Variants in SMYD3 observed in about 807,000 individuals in gnomAD.
SMYD3 encodes SET and MYND domain containing 3.
A neutral mutation model predicts 57.7 loss-of-function variants in SMYD3; 36 were observed. That is an observed-to-expected ratio of 0.62 (90% CI 0.48 to 0.82). SMYD3 has a LOEUF of 0.82. Ranked by LOEUF, SMYD3 falls within the 40% of genes least tolerant of loss-of-function variation. The pLI is 0.00. For synonymous variants in SMYD3, 211 were observed against 195.0 expected (o/e 1.08, Z -0.68); for missense variants, 515 against 538.8 (o/e 0.96, Z 0.44).
chr1:245,935,269 G>T (rs1218406982), intron 5 of SMYD3, among the ~76,000 whole-genome samples: 1 of 152,162 alleles, frequency 6.6e-6, no homozygotes, highest in Non-Finnish European at 1.5e-5. Flanking sequence ...TTTCTCAAAA[G>T]AAGACATATA....
intron 5 of SMYD3, among the ~76,000 whole-genome samples, chr1:246,235,465 C>A (rs534051012): frequency 6.6e-6 from 1 of 152,210 alleles, no homozygotes; most frequent in African/African-American, 2.4e-5. Flanking sequence ...GTTAGGAATA[C>A]CTAACTATAA....
chr1:246,314,497 A>G (rs1323298566), intron 5 of SMYD3, among the ~76,000 whole-genome samples: 1 of 152,234 alleles, frequency 6.6e-6, no homozygotes, highest in Non-Finnish European at 1.5e-5. Flanking sequence ...GAAAGTACAC[A>G]TTAAAGTACT....
intron 10 of SMYD3, among the ~76,000 whole-genome samples, chr1:245,785,263 G>A (rs542341304): frequency 1.3e-5 from 2 of 151,750 alleles, no homozygotes; most frequent in South Asian, 2.1e-4. Context: ...GACATCTTTT[G>A]AAAATACCAA....
At chr1:246,378,726 T>TATATAATTATATATAATATA (rs2066323863) in intron 1 of SMYD3, among the ~76,000 whole-genome samples, 2 of 89,862 alleles carry the variant, frequency 2.2e-5, no homozygotes, top group Non-Finnish European at 4.1e-5. Flanking sequence ...TATAATATAT[T>TATATAATTATATATAATATA]ATATATTATA....
chr1:246,405,644 C>CA, intron 1 of SMYD3, among the ~76,000 whole-genome samples: 1 of 152,190 alleles, frequency 6.6e-6, no homozygotes, highest in East Asian at 1.9e-4. Flanking sequence ...TGCAGTGGTT[C>CA]ACGTCTGTAA....
chr1:245,807,905 A>T (rs1055249274), intron 10 of SMYD3, among the ~76,000 whole-genome samples: 7 of 152,202 alleles, frequency 4.6e-5, no homozygotes, highest in African/African-American at 1.7e-4. Context: ...GCTGAATAGC[A>T]TGAGATATGG....
rs1418703402 is a variant in SMYD3 at position 245,858,569 on chromosome 1, T to C, written c.1003A>G (p.Met335Val). ...AGGCCGAGGTTGATGCAGGCATCCA[T>C]GGCGCAGTCGAGCACCTTCAGCTGG... ...IYQLKVLDCA[M>V]DACINLGLLE... Residue 335 changes from methionine (M) to valine (V), a missense_variant, in exon 10 of 12, where the codon ATG (methionine) becomes GTG (valine). Physicochemically the swap from Met to Val is conservative, Grantham distance 21 (BLOSUM62 1). Transcript: ENST00000490107. 5 of 1,614,216 alleles carry C rather than the reference T, an allele frequency of 3.1e-6. No individual in the cohort carries two copies. The highest frequency in any genetic ancestry group is 2.2e-5 in the East Asian group (1 of 44,880).
intron 1 of SMYD3, among the ~76,000 whole-genome samples, chr1:246,371,757 C>T (rs2066196800): frequency 6.6e-6 from 1 of 152,170 alleles, no homozygotes; most frequent in South Asian, 2.1e-4. Flanking sequence ...CTCTTACTTC[C>T]TCCAATTAGA....
intron 10 of SMYD3, among the ~76,000 whole-genome samples, chr1:245,774,395 C>G (rs2046456573): frequency 6.6e-6 from 1 of 152,128 alleles, no homozygotes; most frequent in South Asian, 2.1e-4. Flanking sequence ...AGAGTGGAAG[C>G]TGAAAGAAAG....
At chr1:245,969,723 T>C (rs937945980) in intron 5 of SMYD3, among the ~76,000 whole-genome samples, 2 of 152,210 alleles carry the variant, frequency 1.3e-5, no homozygotes, top group Non-Finnish European at 2.9e-5. Context: ...TCGTGTTGTT[T>C]TGAAATTCAA....
chr1:246,054,769 C>A (rs1016332355), intron 5 of SMYD3, among the ~76,000 whole-genome samples: 7 of 149,964 alleles, frequency 4.7e-5, no homozygotes, highest in African/African-American at 1.7e-4. Flanking sequence ...ATATAGATGG[C>A]CATTTTTATG....
intron 5 of SMYD3, among the ~76,000 whole-genome samples, chr1:246,073,543 C>A (rs1356229686): frequency 6.6e-6 from 1 of 151,834 alleles, no homozygotes; most frequent in Non-Finnish European, 1.5e-5. Context: ...ATGGCAAAAC[C>A]CGATCTCTAC....
chr1:246,285,148 T>C (rs921321620), intron 5 of SMYD3, among the ~76,000 whole-genome samples: 3 of 152,110 alleles, frequency 2.0e-5, no homozygotes, highest in South Asian at 2.1e-4. Context: ...CCAAAGTCCA[T>C]TGTATTATTC....
chr1:246,233,049 A>G (rs1267468902), intron 5 of SMYD3, among the ~76,000 whole-genome samples: 168 of 128,866 alleles, frequency 1.3e-3, no homozygotes, highest in Admixed American at 4.4e-3. Flanking sequence ...GGGGAGAAGC[A>G]CTCCTTCAAT....
intron 10 of SMYD3, among the ~76,000 whole-genome samples, chr1:245,826,904 C>T (rs990467043): frequency 2.0e-5 from 3 of 152,154 alleles, no homozygotes; most frequent in African/African-American, 7.2e-5. Context: ...CCCCCATGAT[C>T]CAACTACCAC....
chr1:246,488,291 A>C (rs754908456), intron 1 of SMYD3, among the ~76,000 whole-genome samples: 20 of 152,252 alleles, frequency 1.3e-4, no homozygotes, highest in Non-Finnish European at 2.5e-4. Flanking sequence ...ATTACTATAG[A>C]TCTCTGATAC....
chr1:245,764,396 A>C (rs1370648850), intron 10 of SMYD3, among the ~76,000 whole-genome samples: 1 of 151,926 alleles, frequency 6.6e-6, no homozygotes, highest in African/African-American at 2.4e-5. Context: ...TCTCCCTCAT[A>C]AACACTAGAG....
At chr1:245,797,750 A>G (rs1027591248) in intron 10 of SMYD3, among the ~76,000 whole-genome samples, 1 of 150,758 alleles carries the variant, frequency 6.6e-6, no homozygotes, top group African/African-American at 2.4e-5. Context: ...AGGAGATTTC[A>G]GGTCCACTGC....
chr1:245,806,959 G>T (rs1467058835), intron 10 of SMYD3, among the ~76,000 whole-genome samples: 1 of 145,082 alleles, frequency 6.9e-6, no homozygotes, highest in African/African-American at 2.6e-5. Flanking sequence ...GGAGAAAAAT[G>T]GTAAGACATA....
Sources: allele counts gnomAD v4.1 joint callset (sites outside exome capture counted in the v4.1 genomes callset), GRCh38; gene constraint gnomAD v4.1.1; transcripts MANE v1.5; gene names NCBI Gene and HGNC (gene_info 2026-07-23, HGNC 2026-07-21).